CDC42: variants seen among roughly 807,000 people sequenced by gnomAD.
CDC42 encodes the protein cell division cycle 42, also known as cell division control protein 42 homolog.
Under a neutral mutation model 20.8 loss-of-function variants are expected in CDC42, and 1 was observed. The ratio of observed to expected loss-of-function variants is 0.05; its 90% CI spans 0.02 to 0.23. The LOEUF (loss-of-function observed/expected upper bound fraction) is 0.23, where lower values mean the gene tolerates loss of function less well. Ranked by LOEUF, CDC42 falls within the 10% of genes least tolerant of loss-of-function variation. CDC42 has a pLI of 1.00. For synonymous variants in CDC42, 72 were observed against 84.8 expected, an observed-to-expected ratio of 0.85 and a Z score of 0.83; for missense variants, 49 against 227.9, an observed-to-expected ratio of 0.21 and a Z score of 5.05.
At chr1:22,055,110 C>A (rs1402148416) in intron 1 of CDC42, among the ~76,000 whole-genome samples, 1 of 150,574 alleles carries the variant, frequency 6.6e-6, no homozygotes, top group African/African-American at 2.4e-5. Context: ...CCCGCCACCA[C>A]GCCCGGCTAA....
chr1:22,064,833 C>T (rs564996657), intron 1 of CDC42, among the ~76,000 whole-genome samples: 4 of 152,198 alleles, frequency 2.6e-5, no homozygotes, highest in East Asian at 1.9e-4. Flanking sequence ...CTTGCCACCA[C>T]GCTTGGCTAA....
rs181650864 is a variant in CDC42 at position 22,089,116 on chromosome 1, A to G, written c.486+2250A>G. Reference sequence around the variant, plus strand: ...ATCAAACTAAAGAACATGTGAAACAACCTTGGGTGGTAAACTTGTGGCTTC... The same window carrying G: ...ATCAAACTAAAGAACATGTGAAACAGCCTTGGGTGGTAAACTTGTGGCTTC... On this transcript the variant is annotated intron_variant, in intron 5 of 5. Transcript: ENST00000656825. Among the ~76,000 whole-genome samples, 3 of 152,244 alleles carry G rather than the reference A, an allele frequency of 2.0e-5. No homozygotes were observed. The East Asian group carries it at 5.8e-4, about 29-fold the overall frequency.
At chr1:22,085,809 G>T (rs533830415) in intron 3 of CDC42, among the ~76,000 whole-genome samples, 24 of 152,206 alleles carry the variant, frequency 1.6e-4, no homozygotes, top group African/African-American at 5.8e-4. Context: ...CTGGGTTTCA[G>T]TGAGGTTTTT....
chr1:22,063,279 A>G (rs1370700429), intron 1 of CDC42, among the ~76,000 whole-genome samples: 2 of 152,044 alleles, frequency 1.3e-5, no homozygotes, highest in African/African-American at 4.8e-5. Context: ...TGAGACTACT[A>G]CAGTTGTTAG....
chr1:22,078,998 T>C, intron 2 of CDC42: 1 of 451,930 alleles, frequency 2.2e-6, no homozygotes. Context: ...GTGTCTCCAC[T>C]TTTCTTGTGG....
rs562491968 is a variant in CDC42, at chr1:22,087,823, G to A, written c.486+957G>A. ...AAAACACTATTGGATTCTTAACTAC[G>A]TGTATACTAGGGTAAATGGCATATA... On this transcript the variant is annotated intron_variant, in intron 5 of 5. Coordinates refer to ENST00000656825, the MANE Select transcript of CDC42 (RefSeq NM_001791.4). Among the ~76,000 whole-genome samples the A allele has an allele frequency of 3.3e-5, 5 of 152,174 alleles. No homozygotes were observed. The South Asian group carries it at 8.3e-4, about 25-fold the overall frequency.
intron 1 of CDC42, among the ~76,000 whole-genome samples, chr1:22,066,183 G>T (rs1218001152): frequency 6.6e-6 from 1 of 152,142 alleles, no homozygotes; most frequent in Non-Finnish European, 1.5e-5. Flanking sequence ...AGAAGTATAA[G>T]CCTAGTTGTT....
At chr1:22,084,335 G>GTTGTT (rs1645637914) in intron 3 of CDC42, among the ~76,000 whole-genome samples, 3 of 80,690 alleles carry the variant, frequency 3.7e-5, no homozygotes, top group African/African-American at 1.5e-4. Flanking sequence ...CTTATTTCCT[G>GTTGTT]TTTTTTTTTT....
intron 1 of CDC42, chr1:22,064,118 A>G (rs905800743): frequency 1.3e-5 from 2 of 151,222 alleles, no homozygotes; most frequent in Non-Finnish European, 2.9e-5. Context: ...ACAGCATCTC[A>G]TTGTTTCTTG....
chr1:22,062,867 C>G (rs1268964331), intron 1 of CDC42, among the ~76,000 whole-genome samples: 1 of 151,986 alleles, frequency 6.6e-6, no homozygotes. Flanking sequence ...CACTCCACCT[C>G]CAACCTGATG....
At chr1:22,079,284 G>A (rs1645584364) in intron 2 of CDC42, among the ~76,000 whole-genome samples, 2 of 151,770 alleles carry the variant, frequency 1.3e-5, no homozygotes, top group Admixed American at 6.6e-5. Flanking sequence ...GATTACAGGC[G>A]CCCGCCACCA....
intron 1 of CDC42, among the ~76,000 whole-genome samples, chr1:22,066,774 C>G (rs1299235986): frequency 6.6e-6 from 1 of 152,004 alleles, no homozygotes; most frequent in Non-Finnish European, 1.5e-5. Flanking sequence ...GTAAAGACTT[C>G]AAGGCATGGC....
chr1:22,082,794 T>C (rs1041417412), intron 3 of CDC42, among the ~76,000 whole-genome samples: 1 of 152,052 alleles, frequency 6.6e-6, no homozygotes, highest in African/African-American at 2.4e-5. Context: ...ATTTGGAATA[T>C]AGAGAAAACA....
At position 22,054,958 on chromosome 1, in the gene CDC42, T is replaced by A. The variant is rs1220878397; in HGVS notation, c.-51+2216T>A. Among the ~76,000 whole-genome samples, 207 of 47,824 alleles carry A rather than the reference T, an allele frequency of 4.3e-3. 5 individuals carry two copies. The highest frequency in any genetic ancestry group is 0.013 in the Middle Eastern group (1 of 76). The allele number at this position is 47,824 out of a possible 152,430, so 31.4% of individuals were successfully genotyped here. On this transcript the variant is annotated intron_variant, in intron 1 of 5. Coordinates refer to ENST00000656825, the MANE Select transcript of CDC42 (RefSeq NM_001791.4). ...TTTTTTTTTTTTTTTTTTTTTTTTT[T>A]TTTTTTTTTTTTTGAGAAGGAGTCT... is the stretch of plus-strand genomic sequence containing the variant.
intron 1 of CDC42, among the ~76,000 whole-genome samples, chr1:22,070,732 G>A (rs1645478529): frequency 1.3e-5 from 2 of 152,078 alleles, no homozygotes; most frequent in African/African-American, 4.8e-5. Flanking sequence ...CCAAAATGCT[G>A]GGATTACAGG....
rs1645744051 is a variant in CDC42 at position 22,094,536 on chromosome 1, A to T, written c.*3019A>T. On this transcript the variant is annotated 3_prime_UTR_variant, in exon 6 of 6. Transcript: ENST00000656825. ...ATGGTCTCGATCTCCTGACCTCGTG[A>T]TCCGCCCGCCTCGGCCTCCCAAAGT... 6.6e-6 allele frequency among the ~76,000 whole-genome samples: 1 copy of T among 150,862 alleles called. No individual in the cohort carries two copies. The highest frequency in any genetic ancestry group is 1.5e-5 in the Non-Finnish European group (1 of 67,820).
At chr1:22,062,542 AT>A (rs2152827214) in intron 1 of CDC42, among the ~76,000 whole-genome samples, 1 of 152,016 alleles carries the variant, frequency 6.6e-6, no homozygotes, top group African/African-American at 2.4e-5. Context: ...TTCTGAAAAG[AT>A]TTGTCTTTTT....
At chr1:22,064,756 A>G (rs917178365) in intron 1 of CDC42, among the ~76,000 whole-genome samples, 8 of 150,734 alleles carry the variant, frequency 5.3e-5, no homozygotes, top group Middle Eastern at 3.5e-3. Flanking sequence ...ATCTCACTGC[A>G]ACCTCTGCCT....
At position 22,085,932 on chromosome 1, in the gene CDC42, G is replaced by A. The variant is rs1645657302; in HGVS notation, c.179-507G>A. Among the ~76,000 whole-genome samples, 3 of 152,074 alleles carry A rather than the reference G, an allele frequency of 2.0e-5. 1 individual carries two copies. The South Asian group carries it at 6.2e-4, about 31-fold the overall frequency. On this transcript the variant is annotated intron_variant, in intron 3 of 5. Coordinates refer to ENST00000656825, the MANE Select transcript of CDC42 (RefSeq NM_001791.4). Reference sequence around the variant, plus strand: ...GCCATCTCGGCTCACTGCAACCTCCGCCTTCTGGGTTCACGTGATTCTTCT... The same window carrying A: ...GCCATCTCGGCTCACTGCAACCTCCACCTTCTGGGTTCACGTGATTCTTCT...
Sources: gnomAD v4.1 joint callset for allele counts (sites outside exome capture counted in the v4.1 genomes callset) on GRCh38, gnomAD v4.1.1 for gene constraint, MANE v1.5 for transcripts, NCBI Gene and HGNC (gene_info 2026-07-23, HGNC 2026-07-21) for gene names.